The following TACR3 variants were observed in gnomAD, a reference collection of about 807,000 sequenced individuals.
TACR3 encodes tachykinin receptor 3.
TACR3 carries 34 observed loss-of-function variants against 35.0 expected under a neutral mutation model. The ratio of observed to expected loss-of-function variants is 0.97; its 90% CI spans 0.74 to 1.30. TACR3 has a LOEUF of 1.30. Ranked by LOEUF, TACR3 falls within the 50% of genes most tolerant of loss-of-function variation. The pLI is 0.00. For synonymous variants in TACR3, 233 were observed against 221.1 expected (o/e 1.05, Z -0.48); for missense variants, 558 against 591.7 (o/e 0.94, Z 0.59).
rs536159562 is a variant in TACR3, at chr4:103,602,925, G to A, written c.889-11242C>T. Among the ~76,000 whole-genome samples the A allele has an allele frequency of 2.6e-5, 4 of 152,350 alleles. No homozygotes were observed. The South Asian group carries it at 8.3e-4, about 32-fold the overall frequency. On this transcript the variant is annotated intron_variant, in intron 3 of 4. Coordinates refer to ENST00000304883, the MANE Select transcript of TACR3 (RefSeq NM_001059.3). ...CTACTCTCTTCAAAGCTGTCAGAGA[G>A]GGACATTTAAGTCTGCAGAGGTTAC... is the stretch of plus-strand genomic sequence containing the variant.
At chr4:103,623,198 T>TAATG (rs1270705409) in intron 3 of TACR3, among the ~76,000 whole-genome samples, 2 of 152,098 alleles carry the variant, frequency 1.3e-5, no homozygotes, top group Non-Finnish European at 2.9e-5. Flanking sequence ...ATAAATACAT[T>TAATG]AATGCTTTAT....
rs1166376230 is a variant in TACR3 at position 103,658,276 on chromosome 4, C to A, written c.676G>T (p.Val226Phe). The A allele has an allele frequency of 6.2e-7, 1 of 1,613,896 alleles. No homozygotes were observed. The highest frequency in any genetic ancestry group is 1.3e-5 in the African/African-American group (1 of 75,002). ...AAGCAGAGAGTACGGCCTGGCATGA[C>A]TTTGGTTTTGGAATAAAGACACTGA... ...FPQCLYSKTK[V>F]MPGRTLCFVQ... is the part of the protein sequence containing the mutation. The change falls in exon 2 of 5, where the codon GTC becomes TTC. Residue 226 changes from valine (V) to phenylalanine (F), a missense_variant. Physicochemically the swap from Val to Phe is conservative, Grantham distance 50. Transcript: ENST00000304883.
intron 1 of TACR3, among the ~76,000 whole-genome samples, chr4:103,690,050 C>A (rs1047245567): frequency 1.3e-5 from 2 of 151,974 alleles, no homozygotes; most frequent in Non-Finnish European, 2.9e-5. Context: ...AAGAAAAAGG[C>A]AATGGGATGG....
chr4:103,678,127 T>C (rs1282684028), intron 1 of TACR3, among the ~76,000 whole-genome samples: 4 of 152,136 alleles, frequency 2.6e-5, no homozygotes, highest in African/African-American at 7.2e-5. Context: ...TAATGGCAAC[T>C]AGTGCTCAGT....
At chr4:103,663,133 G>T (rs114507357) in intron 1 of TACR3, among the ~76,000 whole-genome samples, 2,248 of 152,286 alleles carry the variant, frequency 0.015, 57 homozygotes, top group African/African-American at 0.052. Flanking sequence ...TATCAGAGAA[G>T]TAGAATAATC....
At chr4:103,613,019 G>A (rs1724545830) in intron 3 of TACR3, among the ~76,000 whole-genome samples, 1 of 152,196 alleles carries the variant, frequency 6.6e-6, no homozygotes, top group African/African-American at 2.4e-5. Context: ...CTGAGAGAGT[G>A]TTATAAAGTT....
At chr4:103,673,265 G>T (rs1376817204) in intron 1 of TACR3, among the ~76,000 whole-genome samples, 1 of 152,118 alleles carries the variant, frequency 6.6e-6, no homozygotes, top group Non-Finnish European at 1.5e-5. Context: ...AAGAGGCCTA[G>T]CTTTCAGCCT....
At chr4:103,627,181 CAAAAAAAAAAAAAAAAAA>C (rs33988758) in intron 3 of TACR3, among the ~76,000 whole-genome samples, 1 of 24,696 alleles carries the variant, frequency 4.0e-5, no homozygotes, top group African/African-American at 1.5e-4. Context: ...GACTCCGTCT[CAAAAAAAAAAAAAAAAAA>C]AAAAAAAAAA....
At chr4:103,671,495 T>C (rs1306468413) in intron 1 of TACR3, among the ~76,000 whole-genome samples, 1 of 151,984 alleles carries the variant, frequency 6.6e-6, no homozygotes, top group African/African-American at 2.4e-5. Context: ...GGTTTTCTAT[T>C]TCTTTATGGT....
chr4:103,615,396 TGTGAGAGAGAGAGA>T (rs1221217405), intron 3 of TACR3, among the ~76,000 whole-genome samples: 53 of 122,606 alleles, frequency 4.3e-4, no homozygotes, highest in South Asian at 2.4e-3. Context: ...TGTGTGTGTG[TGTGAGAGAGAGAGA>T]GAGAGAGAGA....
rs541186184 is a variant in TACR3, at chr4:103,681,749, C to A, written c.549-23346G>T. ...AACATAGAAAAACTAAATAACTCCA[C>A]CAATGAACTGCATCTAACTGACATT... On this transcript the variant is annotated intron_variant, in intron 1 of 4. Transcript: ENST00000304883. Among the ~76,000 whole-genome samples, 8 of 152,136 alleles carry A rather than the reference C, an allele frequency of 5.3e-5. No individual in the cohort carries two copies. In the South Asian group the frequency reaches 1.7e-3, roughly 32 times the overall value.
chr4:103,715,510 C>T (rs1215188006), intron 1 of TACR3, among the ~76,000 whole-genome samples: 2 of 151,426 alleles, frequency 1.3e-5, no homozygotes, highest in Non-Finnish European at 3.0e-5. Flanking sequence ...GCCAGTTAAA[C>T]CTCTTTTCTT....
Position 103,719,380 on chromosome 4 carries a change from G to A in TACR3, c.296C>T (p.Ala99Val). 1 of 1,614,242 alleles carries A rather than the reference G, an allele frequency of 6.2e-7. No individual in the cohort carries two copies. Among genetic ancestry groups the A allele is most frequent in the Non-Finnish European group, 8.5e-7 (1 of 1,180,046 alleles). Reference protein sequence around the residue: ...SLAYGVVVAVAVLGNLIVIWI... With the variant: ...SLAYGVVVAVVVLGNLIVIWI... ...GATGACGATGAGATTTCCCAAAACTGCCACTGCCACCACCACACCATACGC... is the reference window on the plus strand; with the variant it reads ...GATGACGATGAGATTTCCCAAAACTACCACTGCCACCACCACACCATACGC... The change falls in exon 1 of 5, where the codon GCA (alanine) becomes GTA (valine). Residue 99 changes from alanine (A) to valine (V), a missense_variant. Ala to Val is a moderately conservative substitution (Grantham distance 64). Coordinates refer to ENST00000304883, the MANE Select transcript of TACR3 (RefSeq NM_001059.3).
chr4:103,611,818 G>C (rs1724518856), intron 3 of TACR3, among the ~76,000 whole-genome samples: 1 of 152,148 alleles, frequency 6.6e-6, no homozygotes, highest in African/African-American at 2.4e-5. Context: ...GCCAGAGACA[G>C]ACACTTATAA....
chr4:103,683,648 C>G (rs756339054), intron 1 of TACR3, among the ~76,000 whole-genome samples: 33 of 151,798 alleles, frequency 2.2e-4, no homozygotes, highest in Non-Finnish European at 1.2e-4. Flanking sequence ...AAACTCTACC[C>G]AAAATGAGTT....
chr4:103,586,762 T>TA lies in TACR3; in HGVS notation c.*2919dup, dbSNP rs1430936977. 3.3e-5 allele frequency: 5 copies of TA among 152,042 alleles called. No individual in the cohort carries two copies. The highest frequency in any genetic ancestry group is 7.4e-5 in the Non-Finnish European group (5 of 67,992). The allele number at this position is 152,042 out of a possible 1,614,324, so 9.4% of individuals were successfully genotyped here. On this transcript the variant is annotated 3_prime_UTR_variant, in exon 5 of 5. Coordinates refer to ENST00000304883, the MANE Select transcript of TACR3 (RefSeq NM_001059.3). ...ACAGTGTGCTGTACTTGGTAAAAAA[T>TA]AAAAAAGTGTGAGAGTGAATTCTGT...
At chr4:103,660,961 C>T (rs193152172) in intron 1 of TACR3, among the ~76,000 whole-genome samples, 1 of 152,038 alleles carries the variant, frequency 6.6e-6, no homozygotes, top group Admixed American at 6.5e-5. Context: ...AATACTATTA[C>T]CTCTATTTTA....
At chr4:103,706,095 G>A (rs563099670) in intron 1 of TACR3, among the ~76,000 whole-genome samples, 1 of 152,080 alleles carries the variant, frequency 6.6e-6, no homozygotes, top group East Asian at 1.9e-4. Context: ...AGTAAAGGCA[G>A]AAAAAATGTA....
intron 1 of TACR3, among the ~76,000 whole-genome samples, chr4:103,660,529 AACACACAC>A (rs143828536): frequency 6.6e-6 from 1 of 150,500 alleles, no homozygotes; most frequent in Non-Finnish European, 1.5e-5. Flanking sequence ...AAGTGTTCTT[AACACACAC>A]ACACACACAC....
Sources: gnomAD v4.1 joint callset for allele counts (sites outside exome capture counted in the v4.1 genomes callset) on GRCh38, gnomAD v4.1.1 for gene constraint, MANE v1.5 for transcripts, NCBI Gene and HGNC (gene_info 2026-07-23, HGNC 2026-07-21) for gene names.